Variants in SLA observed in about 807,000 individuals in gnomAD.
SLA encodes the protein src-like-adapter.
A neutral mutation model predicts 30.3 loss-of-function variants in SLA; 16 were observed. The ratio of observed to expected loss-of-function variants is 0.53; its 90% CI spans 0.36 to 0.80. The LOEUF (loss-of-function observed/expected upper bound fraction) is 0.80. Among genes scored for constraint, SLA ranks in the 30% least tolerant of loss-of-function variants. The pLI, the probability that SLA is intolerant of heterozygous loss-of-function variation, is 0.01. For synonymous variants in SLA, 143 were observed against 137.8 expected, an observed-to-expected ratio of 1.04 and a Z score of -0.26; for missense variants, 310 against 345.2, an observed-to-expected ratio of 0.90 and a Z score of 0.81.
intron 1 of SLA, among the ~76,000 whole-genome samples, chr8:133,089,831 G>A (rs73354614): frequency 0.011 from 1,622 of 152,054 alleles, 38 homozygotes; most frequent in African/African-American, 0.038. Flanking sequence ...ACTCCCCCTC[G>A]GAATGGTCAC....
At chr8:133,075,301 A>G (rs1363385442) in intron 1 of SLA, among the ~76,000 whole-genome samples, 171 bp from the exon 2 acceptor site, 2 of 152,140 alleles carry the variant, frequency 1.3e-5, no homozygotes, top group African/African-American at 2.4e-5. Flanking sequence ...TGGGCCCACG[A>G]AGGCTGTGGC....
chr8:133,074,500 G>A (rs1161573676), intron 2 of SLA, among the ~76,000 whole-genome samples: 1 of 152,202 alleles, frequency 6.6e-6, no homozygotes, highest in Non-Finnish European at 1.5e-5. Context: ...GGTCTGGAGA[G>A]GTTTAAATGA....
chr8:133,070,024 A>C (rs1460891665), intron 2 of SLA, among the ~76,000 whole-genome samples: 1 of 91,994 alleles, frequency 1.1e-5, no homozygotes, highest in Non-Finnish European at 2.7e-5. Flanking sequence ...AAAAAAAAAA[A>C]AAGAAAGAAA....
chr8:133,074,318 A>G (rs1844537748), intron 2 of SLA, among the ~76,000 whole-genome samples: 1 of 151,866 alleles, frequency 6.6e-6, no homozygotes. Context: ...CCCTCAACCC[A>G]CCTGGCTCCA....
At chr8:133,096,355 C>T in intron 1 of SLA, 1 of 1,614,180 alleles carries the variant, frequency 6.2e-7, no homozygotes, top group Admixed American at 1.7e-5. Flanking sequence ...GGCTCATCAA[C>T]AGAGCAAAGG....
chr8:133,044,801 GCAA>G (rs1453903549), intron 7 of SLA, among the ~76,000 whole-genome samples, 180 bp downstream of exon 7: 24 of 152,296 alleles, frequency 1.6e-4, no homozygotes, highest in African/African-American at 5.8e-4. Context: ...ACTTATTAAG[GCAA>G]CATGCACAGG....
At position 133,060,289 on chromosome 8, in the gene SLA, A is replaced by G. The variant is rs1272372147; in HGVS notation, c.-40-89T>C. On this transcript the variant is annotated intron_variant, in intron 2 of 8. Transcript: ENST00000338087. ...CCCAGTTTAGAGAGCATCGTGCATCATTTTTCTGGCAGCTTGCTTCTTGAA... is the reference window on the plus strand; with the variant it reads ...CCCAGTTTAGAGAGCATCGTGCATCGTTTTTCTGGCAGCTTGCTTCTTGAA... 4 of 1,585,304 alleles carry G rather than the reference A, an allele frequency of 2.5e-6. No individual in the cohort carries two copies. The South Asian group carries it at 3.4e-5, about 13-fold the overall frequency.
In SLA at chr8:133,071,119, T is replaced by A. The variant is rs2741208; in HGVS notation, c.-41+3734A>T. On this transcript the variant is annotated intron_variant, in intron 2 of 8. Transcript: ENST00000338087. ...CTGTGTCCACCTCAGATTGGTGCCG[T>A]CCCTTGATGAGGCTTCGTGTACAAC... 9.8e-3 allele frequency among the ~76,000 whole-genome samples: 1,492 copies of A among 152,108 alleles called. 23 individuals carry two copies. Among genetic ancestry groups the A allele is most frequent in the African/African-American group, 0.035 (1,433 of 41,492 alleles).
intron 1 of SLA, among the ~76,000 whole-genome samples, chr8:133,093,347 A>C (rs1409587545): frequency 6.6e-6 from 1 of 150,784 alleles, no homozygotes; most frequent in Admixed American, 6.6e-5. Flanking sequence ...CCTGGGAGTT[A>C]GGATTCTTCT....
rs1465564344 is a variant in SLA at position 133,090,331 on chromosome 8, AG to A, written c.-319+12221del. Among the ~76,000 whole-genome samples, 9 of 152,222 alleles carry A rather than the reference AG, an allele frequency of 5.9e-5. No homozygotes were observed. The East Asian group carries it at 1.7e-3, about 29-fold the overall frequency. The stretch of plus-strand genomic sequence containing the variant: ...GTTTGGAGTTGGAACACCTGGGTTC[AG>A]GTTCTGTGCAGCAGAGAATTTCTCC... On this transcript the variant is annotated intron_variant, in intron 1 of 8. Transcript: ENST00000338087.
chr8:133,087,559 C>T (rs1179177873), intron 1 of SLA, among the ~76,000 whole-genome samples: 1 of 152,160 alleles, frequency 6.6e-6, no homozygotes, highest in Non-Finnish European at 1.5e-5. Flanking sequence ...TGACTGTTTC[C>T]ATTTTGACAA....
intron 2 of SLA, among the ~76,000 whole-genome samples, chr8:133,061,578 G>A (rs1842373388): frequency 6.6e-6 from 1 of 152,256 alleles, no homozygotes; most frequent in African/African-American, 2.4e-5. Flanking sequence ...TGGAAGCACA[G>A]AGAGGAAGGC....
At chr8:133,089,227 T>C (rs1031089475) in intron 1 of SLA, among the ~76,000 whole-genome samples, 1 of 152,208 alleles carries the variant, frequency 6.6e-6, no homozygotes, top group African/African-American at 2.4e-5. Flanking sequence ...CATCCTGACA[T>C]TCATTTCCAG....
intron 1 of SLA, among the ~76,000 whole-genome samples, chr8:133,077,422 A>G (rs1845063481): frequency 1.3e-5 from 2 of 152,080 alleles, no homozygotes; most frequent in Admixed American, 1.3e-4. Flanking sequence ...GGTTGCTGCT[A>G]ACCTCCCCTG....
chr8:133,098,174 C>T (rs1017091614), intron 1 of SLA, among the ~76,000 whole-genome samples: 1 of 152,208 alleles, frequency 6.6e-6, no homozygotes, highest in African/African-American at 2.4e-5. Flanking sequence ...TGCCACTCTC[C>T]TCCACTGCCT....
chr8:133,066,344 A>AAAAGC (rs1554714559), intron 2 of SLA, among the ~76,000 whole-genome samples: 1 of 150,640 alleles, frequency 6.6e-6, no homozygotes, highest in African/African-American at 2.4e-5. Context: ...AAAAAAAAAA[A>AAAAGC]GCTGTTACTG....
At chr8:133,073,096 G>T (rs576922011) in intron 2 of SLA, 1 of 152,264 alleles carries the variant, frequency 6.6e-6, no homozygotes, top group African/African-American at 2.4e-5. Context: ...AGAGAAACTG[G>T]TCTTCTTTTT....
In SLA at chr8:133,060,200, C is replaced by G; in HGVS notation, c.-40G>C. On this transcript the variant is annotated splice_region_variant and 5_prime_UTR_variant, in exon 3 of 9. Coordinates refer to ENST00000338087, the MANE Select transcript of SLA (RefSeq NM_001045556.3). ...CTGGGGCCGCTGGTGATGCCCAGAGCCTGTGGTATAGGAGACAGACGGGGA... is the reference window on the plus strand; with the variant it reads ...CTGGGGCCGCTGGTGATGCCCAGAGGCTGTGGTATAGGAGACAGACGGGGA... The G allele has an allele frequency of 6.2e-7, 1 of 1,613,454 alleles. No individual in the cohort carries two copies. Among genetic ancestry groups the G allele is most frequent in the Non-Finnish European group, 8.5e-7 (1 of 1,179,674 alleles).
At chr8:133,048,110 A>C (rs1165772998) in intron 5 of SLA, among the ~76,000 whole-genome samples, 177 bp from the exon 6 acceptor site, 1 of 152,230 alleles carries the variant, frequency 6.6e-6, no homozygotes, top group Non-Finnish European at 1.5e-5. Flanking sequence ...GTGATTAAGT[A>C]GTTTGCTCAG....
Sources: allele counts gnomAD v4.1 joint callset (sites outside exome capture counted in the v4.1 genomes callset), GRCh38; gene constraint gnomAD v4.1.1; transcripts MANE v1.5; gene names NCBI Gene and HGNC (gene_info 2026-07-23, HGNC 2026-07-21).